The following LAT variants were observed in gnomAD, a reference collection of about 807,000 sequenced individuals.
The protein encoded by LAT is linker for activation of T-cells family member 1.
Under a neutral mutation model 39.1 loss-of-function variants are expected in LAT, and 12 were observed. That is an observed-to-expected ratio of 0.31 (90% CI 0.20 to 0.50). LAT has a LOEUF of 0.50. Ranked by LOEUF, LAT falls within the 20% of genes least tolerant of loss-of-function variation. The pLI is 0.98. For missense variants in LAT, 253 were observed against 308.0 expected (o/e 0.82, Z 1.34); for synonymous variants, 117 against 123.8 (o/e 0.95, Z 0.36).
Position 28,985,507 on chromosome 16 carries a change from C to T in LAT, c.90C>T (p.His30=). ...TGATGGCACTGTGTGTGCACTGCCA[C>T]AGACTGCCAGGTGAGTGGGAAACTG... ...AMLMALCVHC[H]RLPGSYDSTS... The change falls in exon 1 of 12, where the codon CAC becomes CAT. Residue 30 remains histidine, a synonymous_variant. Coordinates refer to ENST00000395456, the MANE Select transcript of LAT (RefSeq NM_001014987.2). This position sits in a 1 kb window ranked among gnomAD's most constrained non-coding sequence, Gnocchi z 4.6. 1 of 1,613,594 alleles carries T rather than the reference C, an allele frequency of 6.2e-7. No individual in the cohort carries two copies. The highest frequency in any genetic ancestry group is 8.5e-7 in the Non-Finnish European group (1 of 1,179,754).
At chr16:28,989,468 G>A (rs1439430083) in intron 8 of LAT, 59 bp from the exon 9 acceptor site, 2 of 1,498,486 alleles carry the variant, frequency 1.3e-6, no homozygotes, top group Non-Finnish European at 1.8e-6. Flanking sequence ...GGGTTCTCTG[G>A]GAACCTGTGG....
Position 28,985,653 on chromosome 16 carries a change from C to T in LAT, c.101-60C>T. On this transcript the variant is annotated intron_variant, in intron 1 of 11. Coordinates refer to ENST00000395456, the MANE Select transcript of LAT (RefSeq NM_001014987.2). This position sits in a 1 kb window ranked among gnomAD's most constrained non-coding sequence, Gnocchi z 4.6. Reference sequence around the variant, plus strand: ...CCAGCGCCTCTGAGAGTCCCTGGATCCCAGCACCTTCTGCCCTAAGCACCC... The same window carrying T: ...CCAGCGCCTCTGAGAGTCCCTGGATTCCAGCACCTTCTGCCCTAAGCACCC... 6.2e-7 allele frequency: 1 copy of T among 1,611,642 alleles called. No individual in the cohort carries two copies. The highest frequency in any genetic ancestry group is 8.5e-7 in the Non-Finnish European group (1 of 1,178,290).
chr16:28,990,724 G>A lies in LAT; in HGVS notation c.*543G>A, dbSNP rs925616549. The A allele has an allele frequency of 1.3e-5, 2 of 157,262 alleles. No individual in the cohort carries two copies. Among genetic ancestry groups the A allele is most frequent in the African/African-American group, 4.8e-5 (2 of 41,484 alleles). 9.7% of individuals were successfully genotyped at this position (157,262 alleles called of 1,614,324 possible). On this transcript the variant is annotated 3_prime_UTR_variant, in exon 12 of 12. Transcript: ENST00000395456. ...ACCAAGGGATGGGACCTGATGACCTGGGAGGACTCTCTTAGTTCTTACCTT... is the reference window on the plus strand; with the variant it reads ...ACCAAGGGATGGGACCTGATGACCTAGGAGGACTCTCTTAGTTCTTACCTT...
rs1030635244 is a variant in LAT at position 28,990,461 on chromosome 16, C to T, written c.*280C>T. 1.1e-4 allele frequency: 39 copies of T among 339,156 alleles called. 2 individuals are homozygous for T. Among genetic ancestry groups the T allele is most frequent in the Middle Eastern group, 8.3e-4 (1 of 1,210 alleles). 21.0% of individuals were successfully genotyped at this position (339,156 alleles called of 1,614,324 possible). ...CCTGCGTGTGTCTGTGTTGAGCGTG[C>T]GTCTGTGTGTGCCTGTGTGCGAGTC... is the stretch of plus-strand genomic sequence containing the variant. On this transcript the variant is annotated 3_prime_UTR_variant, in exon 12 of 12. Transcript: ENST00000395456.
rs1459062056 is a variant in LAT, at chr16:28,990,301, A to T, written c.*120A>T. On this transcript the variant is annotated 3_prime_UTR_variant, in exon 12 of 12. Coordinates refer to ENST00000395456, the MANE Select transcript of LAT (RefSeq NM_001014987.2). The stretch of plus-strand genomic sequence containing the variant: ...CCTGCCCTTGCTCCAGCCTGACAAC[A>T]GCCTGAGAAATCCCCCCGTAACTTA... 1 of 646,280 alleles carries T rather than the reference A, an allele frequency of 1.5e-6. No individual in the cohort carries two copies. The highest frequency in any genetic ancestry group is 3.1e-5 in the East Asian group (1 of 32,460). 40.0% of individuals were successfully genotyped at this position (646,280 alleles called of 1,614,324 possible).
At position 28,986,019 on chromosome 16, in the gene LAT, G is replaced by T; in HGVS notation, c.164-116G>T. The stretch of plus-strand genomic sequence containing the variant: ...CATGGCCTTGACCTGAGCTGGGAGA[G>T]GGGAGATGGCTCCCCCAGGCCTGTC... On this transcript the variant is annotated intron_variant, in intron 3 of 11. Transcript: ENST00000395456. The surrounding 1 kb of genome is among the most constrained non-coding windows in gnomAD (Gnocchi z 5.7). The T allele has an allele frequency of 7.9e-6, 11 of 1,399,898 alleles. No individual in the cohort carries two copies. The highest frequency in any genetic ancestry group is 1.1e-5 in the Non-Finnish European group (11 of 988,186). The allele number at this position is 1,399,898 out of a possible 1,614,324, so 86.7% of individuals were successfully genotyped here.
chr16:28,986,505 G>A lies in LAT; in HGVS notation c.311-35G>A, dbSNP rs764064908. 1 of 1,611,374 alleles carries A rather than the reference G, an allele frequency of 6.2e-7. No individual in the cohort carries two copies. The highest frequency in any genetic ancestry group is 2.2e-5 in the East Asian group (1 of 44,754). On this transcript the variant is annotated intron_variant, in intron 5 of 11. Transcript: ENST00000395456. The surrounding 1 kb of genome is among the most constrained non-coding windows in gnomAD (Gnocchi z 5.7). ...TGGGAAGAAGATAGGCCTGGCCTGA[G>A]CTGACTTAGTCTCCCTCTCACCCTC...
intron 10 of LAT, 25 bp downstream of exon 10, chr16:28,989,864 G>A: frequency 1.2e-6 from 2 of 1,614,098 alleles, no homozygotes; most frequent in Non-Finnish European, 1.7e-6. Context: ...AGGGGCAGGA[G>A]CTGGGGTAGC....
intron 8 of LAT, chr16:28,988,287 GC>G (rs1334120458): frequency 1.3e-5 from 2 of 152,342 alleles, no homozygotes; most frequent in African/African-American, 4.8e-5. Context: ...TGTGTGACAG[GC>G]CCTATTTTAC....
chr16:28,985,456 CCTG>C lies in LAT; in HGVS notation c.47_49del (p.Leu16del). 1 of 1,613,832 alleles carries C rather than the reference CCTG, an allele frequency of 6.2e-7. No homozygotes were observed. The highest frequency in any genetic ancestry group is 1.7e-5 in the Admixed American group (1 of 60,018). On this transcript the variant is annotated inframe_deletion, in exon 1 of 12. Coordinates refer to ENST00000395456, the MANE Select transcript of LAT (RefSeq NM_001014987.2). The surrounding 1 kb of genome is among the most constrained non-coding windows in gnomAD (Gnocchi z 4.6). ...TCCTGGTCCCCTGCGTGCTGGGGCT[CCTG>C]CTGCTGCCCATCCTGGCCATGTTGA...
rs1038493798 is a variant in LAT at position 28,990,640 on chromosome 16, A to G, written c.*459A>G. On this transcript the variant is annotated 3_prime_UTR_variant, in exon 12 of 12. Coordinates refer to ENST00000395456, the MANE Select transcript of LAT (RefSeq NM_001014987.2). The stretch of plus-strand genomic sequence containing the variant: ...GCTGGGGGTGAGGACACATTGCCCC[A>G]TGAGACAGTCCCAGAACACGGCAGC... The G allele has an allele frequency of 2.1e-5, 4 of 188,722 alleles. No homozygotes were observed. In the South Asian group the frequency reaches 3.8e-4, roughly 18 times the overall value. The allele number at this position is 188,722 out of a possible 1,614,324, so 11.7% of individuals were successfully genotyped here.
At position 28,990,539 on chromosome 16, in the gene LAT, C is replaced by T. The variant is rs1965846701; in HGVS notation, c.*358C>T. ...TGTGTTTGTGTGTATCTGTGGGTCT[C>T]CATCCTCCATGGGGGCTCAGCCAGG... On this transcript the variant is annotated 3_prime_UTR_variant, in exon 12 of 12. Transcript: ENST00000395456. 3.7e-6 allele frequency: 1 copy of T among 269,860 alleles called. No individual in the cohort carries two copies. The highest frequency in any genetic ancestry group is 7.3e-6 in the Non-Finnish European group (1 of 136,848). The allele number at this position is 269,860 out of a possible 1,614,324, so 16.7% of individuals were successfully genotyped here.
chr16:28,989,315 C>A, intron 8 of LAT: 2 of 559,308 alleles, frequency 3.6e-6, no homozygotes, highest in Non-Finnish European at 6.3e-6. Flanking sequence ...AGCCCTTGCC[C>A]TTGTCCAGGC....
rs746374454 is a variant in LAT, at chr16:28,985,441, C to G, written c.24C>G (p.Pro8=). 3.1e-6 allele frequency: 5 copies of G among 1,613,854 alleles called. No homozygotes were observed. The South Asian group carries it at 4.4e-5, about 14-fold the overall frequency. ...AGATGGAGGAGGCCATCCTGGTCCC[C>G]TGCGTGCTGGGGCTCCTGCTGCTGC... MEEAILV[P]CVLGLLLLPI... The change falls in exon 1 of 12, where the codon CCC becomes CCG. Residue 8 remains proline (P), a synonymous_variant. Coordinates refer to ENST00000395456, the MANE Select transcript of LAT (RefSeq NM_001014987.2). This position sits in a 1 kb window ranked among gnomAD's most constrained non-coding sequence, Gnocchi z 4.6.
In LAT at chr16:28,985,130, C is replaced by G; in HGVS notation, c.-288C>G. 2 of 1,427,498 alleles carry G rather than the reference C, an allele frequency of 1.4e-6. No homozygotes were observed. The highest frequency in any genetic ancestry group is 3.0e-5 in the South Asian group (2 of 66,514). 88.4% of individuals were successfully genotyped at this position (1,427,498 alleles called of 1,614,324 possible). A position where few individuals can be genotyped will look rare whatever the true frequency, so the allele number is the denominator to read the frequency against. ...AGGAGGGGCAGGTAGGGCTGGGACGCAGGGGTAACTGGATCCCCCGACTTC... is the reference window on the plus strand; with the variant it reads ...AGGAGGGGCAGGTAGGGCTGGGACGGAGGGGTAACTGGATCCCCCGACTTC... On this transcript the variant is annotated 5_prime_UTR_variant, in exon 1 of 12. Coordinates refer to ENST00000395456, the MANE Select transcript of LAT (RefSeq NM_001014987.2). This position sits in a 1 kb window ranked among gnomAD's most constrained non-coding sequence, Gnocchi z 4.6.
At position 28,985,457 on chromosome 16, in the gene LAT, C is replaced by T. The variant is rs1965722821; in HGVS notation, c.40C>T (p.Leu14=). 1.2e-6 allele frequency: 2 copies of T among 1,613,738 alleles called. No homozygotes were observed. The highest frequency in any genetic ancestry group is 3.3e-5 in the Admixed American group (2 of 59,998). The part of the protein sequence containing the change: ...AILVPCVLGL[L]LLPILAMLMA... ...CCTGGTCCCCTGCGTGCTGGGGCTC[C>T]TGCTGCTGCCCATCCTGGCCATGTT... Residue 14 remains leucine (L), a synonymous_variant, in exon 1 of 12, where the codon CTG becomes TTG. Transcript: ENST00000395456. This position sits in a 1 kb window ranked among gnomAD's most constrained non-coding sequence, Gnocchi z 4.6.
chr16:28,990,152 C>T (rs1452795554), intron 11 of LAT, 37 bp from the exon 12 acceptor site: 1 of 756,968 alleles, frequency 1.3e-6, no homozygotes, highest in Non-Finnish European at 2.3e-6. Flanking sequence ...CCGTCAGCCT[C>T]CTGATCCGTA....
chr16:28,985,122 C>G lies in LAT; in HGVS notation c.-296C>G, dbSNP rs925744802. ...GGGCGCCGAGGAGGGGCAGGTAGGG[C>G]TGGGACGCAGGGGTAACTGGATCCC... On this transcript the variant is annotated 5_prime_UTR_variant, in exon 1 of 12. Coordinates refer to ENST00000395456, the MANE Select transcript of LAT (RefSeq NM_001014987.2). This position sits in a 1 kb window ranked among gnomAD's most constrained non-coding sequence, Gnocchi z 4.6. 1 of 1,428,360 alleles carries G rather than the reference C, an allele frequency of 7.0e-7. No individual in the cohort carries two copies. The highest frequency in any genetic ancestry group is 1.4e-5 in the African/African-American group (1 of 69,172). 88.5% of individuals were successfully genotyped at this position (1,428,360 alleles called of 1,614,324 possible). A position where few individuals can be genotyped will look rare whatever the true frequency, so the allele number is the denominator to read the frequency against.
chr16:28,985,614 C>A lies in LAT; in HGVS notation c.100+97C>A. ...TGTGTCTGTCCTGGCTCTGTCCCTG[C>A]CTCCGTCCTGATCCCAGCGCCTCTG... On this transcript the variant is annotated intron_variant, in intron 1 of 11. Transcript: ENST00000395456. This position sits in a 1 kb window ranked among gnomAD's most constrained non-coding sequence, Gnocchi z 4.6. 1.2e-6 allele frequency: 2 copies of A among 1,603,922 alleles called. No homozygotes were observed. The highest frequency in any genetic ancestry group is 2.2e-5 in the South Asian group (2 of 90,760).
Sources: allele counts gnomAD v4.1 joint callset, GRCh38; gene constraint gnomAD v4.1.1; non-coding constraint Gnocchi (gnomAD v3.1); transcripts MANE v1.5; gene names NCBI Gene and HGNC (gene_info 2026-07-23, HGNC 2026-07-21).